Variants in FANCI observed in about 807,000 individuals in gnomAD.
The protein encoded by FANCI is FA complementation group I.
Under a neutral mutation model 176.1 loss-of-function variants are expected in FANCI, and 156 were observed. That is an observed-to-expected ratio of 0.89 (90% CI 0.78 to 1.01). The LOEUF is 1.01. Among genes scored for constraint, FANCI ranks in the 50% least tolerant of loss-of-function variants. The pLI is 0.00. For synonymous variants in FANCI, 613 were observed against 541.7 expected, an observed-to-expected ratio of 1.13 and a Z score of -1.83; for missense variants, 1,678 against 1,534.1, an observed-to-expected ratio of 1.09 and a Z score of -1.57.
chr15:89,294,803 C>G lies in FANCI; in HGVS notation c.2457-112C>G, dbSNP rs58169552. The G allele has an allele frequency of 9.6e-4, 1,094 of 1,134,544 alleles. 6 individuals carry two copies. In the African/African-American group the frequency reaches 0.016, roughly 16 times the overall value. 70.3% of individuals were successfully genotyped at this position (1,134,544 alleles called of 1,614,324 possible). A position where few individuals can be genotyped will look rare whatever the true frequency, so the allele number is the denominator to read the frequency against. Reference sequence around the variant, plus strand: ...GAGTCTGCCAGTCGGAACTTACTGGCAAGCTCTGTTGGGTGCTGCTGTTCT... The same window carrying G: ...GAGTCTGCCAGTCGGAACTTACTGGGAAGCTCTGTTGGGTGCTGCTGTTCT... On this transcript the variant is annotated intron_variant, in intron 23 of 37. Transcript: ENST00000310775.
intron 2 of FANCI, among the ~76,000 whole-genome samples, chr15:89,248,466 A>G (rs1324838360): frequency 3.3e-5 from 5 of 152,158 alleles, no homozygotes. Context: ...AGGAAGGTGC[A>G]TCTTAGTGTG....
rs34352725 is a variant in FANCI at position 89,313,900 on chromosome 15, T to TACACAC, written c.3721-691_3721-686dup. Among the ~76,000 whole-genome samples, 636 of 142,712 alleles carry TACACAC rather than the reference T, an allele frequency of 4.5e-3. 8 individuals are homozygous for TACACAC. The highest frequency in any genetic ancestry group is 0.016 in the East Asian group (75 of 4,646). 93.6% of individuals were successfully genotyped at this position (142,712 alleles called of 152,430 possible). ...GTACAGTATCCTCATGGGTTAAAAA[T>TACACAC]ACACACACACACACACACACACACA... On this transcript the variant is annotated intron_variant, in intron 35 of 37. Transcript: ENST00000310775.
In FANCI at chr15:89,305,340, G is replaced by A. The variant is rs1029032456; in HGVS notation, c.3187-1G>A. ...GGTCTCACCTCTCTTCTTTTCCCCA[G>A]GATGTAGAGGTGGAGAAAACAAACC... On this transcript the variant is annotated splice_acceptor_variant, in intron 29 of 37. Transcript: ENST00000310775. LOFTEE classifies it high-confidence loss of function. 6.2e-7 allele frequency: 1 copy of A among 1,614,088 alleles called. No homozygotes were observed. Among genetic ancestry groups the A allele is most frequent in the Non-Finnish European group, 8.5e-7 (1 of 1,180,048 alleles).
chr15:89,294,656 A>C (rs564212138), intron 23 of FANCI, among the ~76,000 whole-genome samples: 76 of 152,270 alleles, frequency 5.0e-4, no homozygotes, highest in African/African-American at 1.6e-3. Flanking sequence ...TAAAAGACTA[A>C]GACTGACATT....
At position 89,273,476 on chromosome 15, in the gene FANCI, T is replaced by C. The variant is rs766659063; in HGVS notation, c.975+7T>C. 8.9e-6 allele frequency: 13 copies of C among 1,454,152 alleles called. No homozygotes were observed. In the African/African-American group the frequency reaches 1.5e-4, roughly 17 times the overall value. The allele number at this position is 1,454,152 out of a possible 1,614,324, so 90.1% of individuals were successfully genotyped here. ...ACAAAGATTTCAGGACCAGGTATTT[T>C]TTTAAAATGCCATTTTGTTTCTTTC... On this transcript the variant is annotated splice_region_variant and intron_variant, in intron 11 of 37. Transcript: ENST00000310775.
intron 24 of FANCI, among the ~76,000 whole-genome samples, chr15:89,298,136 G>C (rs2054382568): frequency 6.6e-6 from 1 of 151,764 alleles, no homozygotes; most frequent in Non-Finnish European, 1.5e-5. Context: ...GGTAGAAGAA[G>C]TGAACAACAC....
chr15:89,250,355 T>C (rs1464017314), intron 2 of FANCI, among the ~76,000 whole-genome samples: 1 of 152,178 alleles, frequency 6.6e-6, no homozygotes, highest in Non-Finnish European at 1.5e-5. Context: ...CATGGAATAC[T>C]ATGCAGCCAT....
Position 89,293,047 on chromosome 15 carries a change from TC to T in FANCI, c.2277del (p.Ile760Ter). ...TGAGGTTTTAATAGAATACAATTTC[TC>T]CATAAGTAGTTTCAGGTAAGGTTTT... ...VCEVLIEYNF[S>X]ISSFSKNRFE... On this transcript the variant is annotated frameshift_variant, in exon 22 of 38. Transcript: ENST00000310775. LOFTEE classifies it high-confidence loss of function. 1 of 1,613,748 alleles carries T rather than the reference TC, an allele frequency of 6.2e-7. No individual in the cohort carries two copies. The highest frequency in any genetic ancestry group is 1.1e-5 in the South Asian group (1 of 91,066).
At chr15:89,268,136 C>T (rs2053048690) in intron 9 of FANCI, among the ~76,000 whole-genome samples, 2 of 152,112 alleles carry the variant, frequency 1.3e-5, no homozygotes, top group African/African-American at 4.8e-5. Context: ...TCTCTGTTGC[C>T]TAGGCTGAAG....
At position 89,293,959 on chromosome 15, in the gene FANCI, C is replaced by G; in HGVS notation, c.2418C>G (p.Ser806=). The part of the protein sequence containing the change: ...MANKTSDSLL[S]MKFVSSLLTA... ...ACAAGACAAGTGATAGTCTTTTGTCCATGAAATTTGTGTCCAGTCTTCTCA... is the reference window on the plus strand; with the variant it reads ...ACAAGACAAGTGATAGTCTTTTGTCGATGAAATTTGTGTCCAGTCTTCTCA... Residue 806 remains serine (S), a synonymous_variant, in exon 23 of 38, where the codon TCC becomes TCG. Transcript: ENST00000310775. 1 of 1,614,098 alleles carries G rather than the reference C, an allele frequency of 6.2e-7. No homozygotes were observed. The highest frequency in any genetic ancestry group is 8.5e-7 in the Non-Finnish European group (1 of 1,180,022).
At position 89,261,830 on chromosome 15, in the gene FANCI, G is replaced by A. The variant is rs537136845; in HGVS notation, c.455G>A (p.Ser152Asn). ...TATTTTGCATTTCTAGGTGTACTGA[G>A]TGGGGAAGAATGTAAGAAACAGTTG... ...ENLAYGKGVL[S>N]GEECKKQLIN... Residue 152 changes from serine to asparagine, a missense_variant, in exon 6 of 38, where the codon AGT becomes AAT. Coordinates refer to ENST00000310775, the MANE Select transcript of FANCI (RefSeq NM_001113378.2). 6.2e-7 allele frequency: 1 copy of A among 1,614,104 alleles called. No homozygotes were observed. Among genetic ancestry groups the A allele is most frequent in the South Asian group, 1.1e-5 (1 of 91,084 alleles).
intron 1 of FANCI, among the ~76,000 whole-genome samples, chr15:89,247,175 C>T (rs2052026595): frequency 6.6e-6 from 1 of 151,574 alleles, no homozygotes; most frequent in East Asian, 1.9e-4. Context: ...GGCTCCCCTT[C>T]TCACTTGTTT....
intron 31 of FANCI, 95 bp from the exon 32 acceptor site, chr15:89,305,912 A>G (rs1025572820): frequency 9.8e-6 from 13 of 1,331,554 alleles, no homozygotes; most frequent in Non-Finnish European, 1.3e-5. Flanking sequence ...TTCCATAAAG[A>G]CTTTCTAGTT....
chr15:89,258,352 GCT>G (rs1459736370), intron 2 of FANCI, among the ~76,000 whole-genome samples: 2 of 151,766 alleles, frequency 1.3e-5, no homozygotes, highest in African/African-American at 4.8e-5. Flanking sequence ...TTCCCCTCCT[GCT>G]CTGTTATGAA....
At chr15:89,251,143 G>A (rs1399215659) in intron 2 of FANCI, among the ~76,000 whole-genome samples, 4 of 152,110 alleles carry the variant, frequency 2.6e-5, no homozygotes, top group African/African-American at 7.2e-5. Context: ...TGTTAATACA[G>A]AGAAAATCTC....
chr15:89,301,202 T>C (rs1388067042), intron 26 of FANCI, 124 bp from the exon 27 acceptor site: 2 of 778,270 alleles, frequency 2.6e-6, no homozygotes, highest in African/African-American at 3.4e-5. Context: ...TTTTATCCTC[T>C]TAGAATTTTG....
Position 89,247,731 on chromosome 15 carries a change from TGTGA to T in FANCI, c.84+3_84+6del, listed in dbSNP as rs2052051290. On this transcript the variant is annotated splice_donor_variant and splice_donor_region_variant and intron_variant, in intron 2 of 37. Coordinates refer to ENST00000310775, the MANE Select transcript of FANCI (RefSeq NM_001113378.2). LOFTEE classifies it high-confidence loss of function. ...TTCTTCAAACCCTGAGAGAAGGTGA[TGTGA>T]GTATTAGGAAGCATGTTCTGCTAAA... 2 of 1,613,378 alleles carry T rather than the reference TGTGA, an allele frequency of 1.2e-6. No individual in the cohort carries two copies. Among genetic ancestry groups the T allele is most frequent in the Non-Finnish European group, 1.7e-6 (2 of 1,179,424 alleles).
intron 6 of FANCI, among the ~76,000 whole-genome samples, chr15:89,262,210 G>C (rs1376549193): frequency 6.6e-6 from 1 of 151,918 alleles, no homozygotes; most frequent in Non-Finnish European, 1.5e-5. Flanking sequence ...GTGAAGGCTG[G>C]GAAAGTCACC....
downstream of FANCI, chr15:89,317,228 A>C (rs2055301517): frequency 7.0e-6 from 5 of 713,692 alleles, no homozygotes; most frequent in Admixed American, 1.0e-4. Flanking sequence ...CTCTGGACAC[A>C]GGGCACCTTA....
Sources: allele counts gnomAD v4.1 joint callset (sites outside exome capture counted in the v4.1 genomes callset), GRCh38; gene constraint gnomAD v4.1.1; transcripts MANE v1.5; gene names NCBI Gene and HGNC (gene_info 2026-07-23, HGNC 2026-07-21).